Variants in LRP1B observed in about 807,000 individuals in gnomAD.
LRP1B encodes the protein LDL receptor related protein 1B.
Under a neutral mutation model 556.6 loss-of-function variants are expected in LRP1B, and 217 were observed. That is an observed-to-expected ratio of 0.39 (90% CI 0.35 to 0.44). The LOEUF is 0.44. Ranked by LOEUF, LRP1B falls within the 20% of genes least tolerant of loss-of-function variation. LRP1B has a pLI of 1.00. For missense variants in LRP1B, 5,053 were observed against 5,620.8 expected (o/e 0.90, Z 3.23); for synonymous variants, 2,047 against 1,865.8 (o/e 1.10, Z -2.50).
intron 1 of LRP1B, among the ~76,000 whole-genome samples, chr2:141,890,714 T>C (rs1046508104): frequency 1.7e-4 from 26 of 152,036 alleles, no homozygotes; most frequent in African/African-American, 6.3e-4. Flanking sequence ...CAATGATAAA[T>C]AGGAAAAACA....
In LRP1B at chr2:141,946,740, C is replaced by T. The variant is rs2105025643; in HGVS notation, c.83-136339G>A. 1.3e-5 allele frequency among the ~76,000 whole-genome samples: 2 copies of T among 152,270 alleles called. 1 individual carries two copies. The highest frequency in any genetic ancestry group is 1.3e-4 in the Admixed American group (2 of 15,288). ...TTTATGATTTAGATAGTCTGTGAAACAATGGCCTTTTAGTCATAATATTGC... is the reference window on the plus strand; with the variant it reads ...TTTATGATTTAGATAGTCTGTGAAATAATGGCCTTTTAGTCATAATATTGC... On this transcript the variant is annotated intron_variant, in intron 1 of 90. Transcript: ENST00000389484.
At chr2:141,097,929 G>A (rs542200106) in intron 7 of LRP1B, among the ~76,000 whole-genome samples, 1 of 152,238 alleles carries the variant, frequency 6.6e-6, no homozygotes, top group South Asian at 2.1e-4. Flanking sequence ...ATGAATGGTA[G>A]TTGCCATCTG....
intron 41 of LRP1B, among the ~76,000 whole-genome samples, chr2:140,606,875 C>A (rs1333350444): frequency 6.6e-6 from 1 of 151,984 alleles, no homozygotes; most frequent in East Asian, 1.9e-4. Flanking sequence ...AGGAAGAAAT[C>A]TTCATAACTT....
intron 30 of LRP1B, 134 bp from the exon 31 acceptor site, chr2:140,840,219 A>G: frequency 1.7e-6 from 1 of 575,112 alleles, no homozygotes; most frequent in Non-Finnish European, 2.9e-6. Context: ...GAAAACTCCA[A>G]AATTGTCCAG....
chr2:140,548,299 A>G (rs759432315), intron 43 of LRP1B, among the ~76,000 whole-genome samples: 27 of 152,312 alleles, frequency 1.8e-4, no homozygotes, highest in Middle Eastern at 3.4e-3. Flanking sequence ...TCAAGCTTAC[A>G]TGCCAGTTAC....
At chr2:140,853,982 G>T (rs1285785479) in intron 27 of LRP1B, among the ~76,000 whole-genome samples, 1 of 150,204 alleles carries the variant, frequency 6.7e-6, no homozygotes, top group Admixed American at 6.7e-5. Context: ...AAGAGGCAGT[G>T]TTAAGTGTCA....
intron 1 of LRP1B, among the ~76,000 whole-genome samples, chr2:142,102,232 C>A (rs1706591682): frequency 6.6e-6 from 1 of 151,862 alleles, no homozygotes; most frequent in Admixed American, 6.6e-5. Context: ...CATGTTACAG[C>A]CACATGCATT....
At chr2:140,884,567 C>T (rs978437014) in intron 24 of LRP1B, among the ~76,000 whole-genome samples, 3 of 152,142 alleles carry the variant, frequency 2.0e-5, no homozygotes, top group African/African-American at 7.2e-5. Context: ...TGACCCTCTT[C>T]CCCACCTGGG....
At chr2:142,008,215 C>A (rs1702854999) in intron 1 of LRP1B, among the ~76,000 whole-genome samples, 1 of 152,190 alleles carries the variant, frequency 6.6e-6, no homozygotes, top group South Asian at 2.1e-4. Context: ...AAGCTAAGAT[C>A]CTCTGTCTTC....
intron 1 of LRP1B, among the ~76,000 whole-genome samples, chr2:141,860,023 G>GTTATTTTCACATT (rs1181023520): frequency 6.6e-6 from 1 of 152,078 alleles, no homozygotes; most frequent in Non-Finnish European, 1.5e-5. Flanking sequence ...AACAGAAAAT[G>GTTATTTTCACATT]TTATTTTCAC....
intron 6 of LRP1B, among the ~76,000 whole-genome samples, chr2:141,227,812 T>C (rs528236485): frequency 2.0e-5 from 3 of 152,362 alleles, no homozygotes; most frequent in Non-Finnish European, 2.9e-5. Context: ...CCAGTTCATG[T>C]ATATGAAAAG....
chr2:140,354,751 A>G (rs928814467), intron 75 of LRP1B, among the ~76,000 whole-genome samples: 2 of 152,012 alleles, frequency 1.3e-5, no homozygotes, highest in African/African-American at 4.8e-5. Flanking sequence ...AATTCCACAC[A>G]TGCCTAGTAC....
chr2:140,256,932 A>G lies in LRP1B; in HGVS notation c.13248-9770T>C, dbSNP rs1049257575. 9.0e-5 allele frequency among the ~76,000 whole-genome samples: 13 copies of G among 144,930 alleles called. 1 individual carries two copies. The highest frequency in any genetic ancestry group is 3.2e-4 in the African/African-American group (11 of 34,654). ...ATTAAATTTAAAAAGTGTATATGGC[A>G]TACCAATATCAATATAATTATAATG... is the stretch of plus-strand genomic sequence containing the variant. On this transcript the variant is annotated intron_variant, in intron 86 of 90. Transcript: ENST00000389484.
At chr2:142,031,410 T>C (rs1332857508) in intron 1 of LRP1B, among the ~76,000 whole-genome samples, 2 of 128,748 alleles carry the variant, frequency 1.6e-5, no homozygotes, top group African/African-American at 5.6e-5. Context: ...TATGTATACA[T>C]GTGCCATGCT....
chr2:141,245,896 CCCT>C (rs1229228525), intron 5 of LRP1B, among the ~76,000 whole-genome samples: 3 of 152,080 alleles, frequency 2.0e-5, no homozygotes, highest in Admixed American at 6.6e-5. Context: ...TTCCATCCTG[CCCT>C]CCTTTCTTCC....
intron 2 of LRP1B, among the ~76,000 whole-genome samples, chr2:141,702,963 A>T (rs1228981484): frequency 6.6e-6 from 1 of 151,922 alleles, no homozygotes; most frequent in Admixed American, 6.6e-5. Flanking sequence ...CATTAAAAGA[A>T]AGTCATGCCT....
At chr2:141,188,029 T>C (rs1358497633) in intron 7 of LRP1B, among the ~76,000 whole-genome samples, 2 of 152,044 alleles carry the variant, frequency 1.3e-5, no homozygotes, top group Non-Finnish European at 2.9e-5. Context: ...TGGATATAAG[T>C]ATGTCAACAG....
chr2:141,456,857 G>A (rs927837682), intron 3 of LRP1B, among the ~76,000 whole-genome samples: 1 of 152,254 alleles, frequency 6.6e-6, no homozygotes, highest in Non-Finnish European at 1.5e-5. Flanking sequence ...TAAAATCTAG[G>A]GTTCATAAGA....
At chr2:140,773,933 A>C (rs950241299) in intron 33 of LRP1B, among the ~76,000 whole-genome samples, 3 of 152,104 alleles carry the variant, frequency 2.0e-5, no homozygotes, top group African/African-American at 7.2e-5. Flanking sequence ...AGCTTGGCTT[A>C]ATAATTTATA....
Sources: gnomAD v4.1 joint callset for allele counts (sites outside exome capture counted in the v4.1 genomes callset) on GRCh38, gnomAD v4.1.1 for gene constraint, MANE v1.5 for transcripts, NCBI Gene and HGNC (gene_info 2026-07-23, HGNC 2026-07-21) for gene names.